PRPSAP2: variants seen among roughly 807,000 people sequenced by gnomAD.
PRPSAP2 encodes the protein phosphoribosyl pyrophosphate synthetase associated protein 2.
Under a neutral mutation model 40.6 loss-of-function variants are expected in PRPSAP2, and 24 were observed. That is an observed-to-expected ratio of 0.59 (90% CI 0.43 to 0.83). The LOEUF (loss-of-function observed/expected upper bound fraction) is 0.83, where lower values mean the gene tolerates loss of function less well. Ranked by LOEUF, PRPSAP2 falls within the 40% of genes least tolerant of loss-of-function variation. The pLI, the probability that PRPSAP2 is intolerant of heterozygous loss-of-function variation, is 0.00. For missense variants in PRPSAP2, 292 were observed against 465.6 expected, an observed-to-expected ratio of 0.63 and a Z score of 3.43; for synonymous variants, 149 against 164.7, an observed-to-expected ratio of 0.90 and a Z score of 0.73.
intron 1 of PRPSAP2, among the ~76,000 whole-genome samples, chr17:18,859,144 T>TA (rs1473495244): frequency 6.6e-6 from 1 of 152,226 alleles, no homozygotes; most frequent in Non-Finnish European, 1.5e-5. Flanking sequence ...TGAAAAGTCT[T>TA]ATGTTGACCA....
chr17:18,919,653 G>C (rs1365240056), intron 9 of PRPSAP2, among the ~76,000 whole-genome samples: 1 of 152,220 alleles, frequency 6.6e-6, no homozygotes, highest in Non-Finnish European at 1.5e-5. Flanking sequence ...GTGACAGAGT[G>C]AGACCCTGTC....
rs554955169 is a variant in PRPSAP2 at position 18,930,783 on chromosome 17, T to C, written c.*85T>C. The C allele has an allele frequency of 1.6e-6, 2 of 1,258,410 alleles. No individual in the cohort carries two copies. The highest frequency in any genetic ancestry group is 2.2e-6 in the Non-Finnish European group (2 of 923,854). 78.0% of individuals were successfully genotyped at this position (1,258,410 alleles called of 1,614,324 possible). On this transcript the variant is annotated 3_prime_UTR_variant, in exon 12 of 12. Transcript: ENST00000268835. ...GGGATGGATTTCACAGGAACCGTCA[T>C]GCTTGTTCCTCCCTCTCCCCTGTAA...
intron 8 of PRPSAP2, among the ~76,000 whole-genome samples, chr17:18,900,048 G>A (rs527838758): frequency 2.0e-5 from 3 of 152,068 alleles, no homozygotes; most frequent in South Asian, 2.1e-4. Context: ...CACCACGCCC[G>A]GCTAATTTTT....
intron 5 of PRPSAP2, 22 bp from the exon 6 acceptor site, chr17:18,877,676 A>T: frequency 6.3e-7 from 1 of 1,591,108 alleles, no homozygotes; most frequent in Admixed American, 1.8e-5. Flanking sequence ...CCTTGATGAG[A>T]TTTGCTGTGT....
rs763116169 is a variant in PRPSAP2, at chr17:18,862,791, T to TTTTATTTATTCA, written c.-128-2668_-128-2667insCATTTATTTATT. On this transcript the variant is annotated intron_variant, in intron 1 of 11. Coordinates refer to ENST00000268835, the MANE Select transcript of PRPSAP2 (RefSeq NM_002767.4). ...TTATTTTCCTGGACCTGTAACACCC[T>TTTTATTTATTCA]TTTATTTATTTATTTATTTATTTAT... Among the ~76,000 whole-genome samples the TTTTATTTATTCA allele has an allele frequency of 2.0e-3, 302 of 149,324 alleles. 2 individuals are homozygous for TTTTATTTATTCA. Among genetic ancestry groups the TTTTATTTATTCA allele is most frequent in the African/African-American group, 6.8e-3 (274 of 40,164 alleles).
In PRPSAP2 at chr17:18,930,945, G is replaced by T. The variant is rs6846; in HGVS notation, c.*247G>T. ...GAAAAGGTAAGACCTCGTTTTAGTT[G>T]TAACTGTTTAAAAAATAACACTTGG... is the stretch of plus-strand genomic sequence containing the variant. On this transcript the variant is annotated 3_prime_UTR_variant, in exon 12 of 12. Coordinates refer to ENST00000268835, the MANE Select transcript of PRPSAP2 (RefSeq NM_002767.4). 50,027 of 288,382 alleles carry T rather than the reference G, an allele frequency of 0.17. 4,639 individuals carry two copies. The highest frequency in any genetic ancestry group is 0.25 in the African/African-American group (11,426 of 46,590). The allele number at this position is 288,382 out of a possible 1,614,324, so 17.9% of individuals were successfully genotyped here.
intron 9 of PRPSAP2, among the ~76,000 whole-genome samples, chr17:18,912,474 T>TA (rs1301286664): frequency 6.6e-6 from 1 of 152,200 alleles, no homozygotes; most frequent in African/African-American, 2.4e-5. Context: ...ATGTTCATCT[T>TA]ACGTGCAAAA....
chr17:18,894,103 T>C (rs1423760047), intron 8 of PRPSAP2, among the ~76,000 whole-genome samples: 1 of 151,916 alleles, frequency 6.6e-6, no homozygotes, highest in African/African-American at 2.4e-5. Flanking sequence ...TCCACCCACC[T>C]CTGACTCCCA....
At chr17:18,879,131 A>C (rs1220875533) in intron 6 of PRPSAP2, among the ~76,000 whole-genome samples, 3 of 152,174 alleles carry the variant, frequency 2.0e-5, no homozygotes, top group African/African-American at 7.2e-5. Flanking sequence ...TGGGCTCCTA[A>C]AATTCTGGGA....
At chr17:18,914,179 C>CA (rs541753300) in intron 9 of PRPSAP2, among the ~76,000 whole-genome samples, 56 of 101,450 alleles carry the variant, frequency 5.5e-4, no homozygotes, top group Admixed American at 6.7e-4. Context: ...GACACCATCT[C>CA]AAAAAAAAAA....
intron 8 of PRPSAP2, 109 bp from the exon 9 acceptor site, chr17:18,910,994 C>T (rs1336351231): frequency 9.3e-6 from 12 of 1,295,804 alleles, no homozygotes; most frequent in African/African-American, 1.5e-5. Context: ...TTCTTTAGTC[C>T]TTTGGGAGAC....
intron 5 of PRPSAP2, among the ~76,000 whole-genome samples, chr17:18,874,606 A>G (rs2038136789): frequency 6.6e-6 from 1 of 152,186 alleles, no homozygotes; most frequent in African/African-American, 2.4e-5. Flanking sequence ...TGAAGGAGGA[A>G]GGGTGTGGAG....
Position 18,879,653 on chromosome 17 carries a change from C to T in PRPSAP2, c.412+1783C>T, listed in dbSNP as rs185071674. ...ATTTTTAGTAGAGACGAGGTTTCACCATGTTGGCCATGCTTGTCTCGAACT... is the reference window on the plus strand; with the variant it reads ...ATTTTTAGTAGAGACGAGGTTTCACTATGTTGGCCATGCTTGTCTCGAACT... On this transcript the variant is annotated intron_variant, in intron 6 of 11. Transcript: ENST00000268835. Among the ~76,000 whole-genome samples, 151 of 152,086 alleles carry T rather than the reference C, an allele frequency of 9.9e-4. 1 individual carries two copies. The highest frequency in any genetic ancestry group is 3.6e-3 in the African/African-American group (148 of 41,544).
intron 8 of PRPSAP2, chr17:18,904,935 A>T (rs547467491): frequency 6.6e-6 from 1 of 152,330 alleles, no homozygotes; most frequent in African/African-American, 2.4e-5. Flanking sequence ...TTGGAATTAG[A>T]TGGGAATGCA....
intron 8 of PRPSAP2, among the ~76,000 whole-genome samples, chr17:18,894,305 A>G (rs1172843833): frequency 6.6e-6 from 1 of 151,668 alleles, no homozygotes; most frequent in Non-Finnish European, 1.5e-5. Context: ...GATTACAGGC[A>G]TGCGCCACCA....
chr17:18,908,998 CA>C (rs1033143102), intron 8 of PRPSAP2: 268 of 210,490 alleles, frequency 1.3e-3, no homozygotes, highest in South Asian at 2.5e-3. Context: ...ATTCAACATT[CA>C]AAAAAAAAGA....
intron 1 of PRPSAP2, among the ~76,000 whole-genome samples, chr17:18,862,445 G>A (rs2037094625): frequency 9.3e-6 from 1 of 107,476 alleles, no homozygotes; most frequent in Admixed American, 9.0e-5. Context: ...TGAAGGTTAG[G>A]GGGTGTAAAA....
At chr17:18,912,515 A>G (rs761362711) in intron 9 of PRPSAP2, among the ~76,000 whole-genome samples, 1 of 152,106 alleles carries the variant, frequency 6.6e-6, no homozygotes, top group Non-Finnish European at 1.5e-5. Flanking sequence ...AGCCCCCAAA[A>G]TGTTAACTCC....
intron 8 of PRPSAP2, among the ~76,000 whole-genome samples, chr17:18,909,321 G>A (rs542294908): frequency 6.8e-6 from 1 of 147,830 alleles, no homozygotes; most frequent in South Asian, 2.2e-4. Flanking sequence ...CACTCACTGC[G>A]AGCTCCGCCT....
Sources: allele counts gnomAD v4.1 joint callset (sites outside exome capture counted in the v4.1 genomes callset), GRCh38; gene constraint gnomAD v4.1.1; transcripts MANE v1.5; gene names NCBI Gene and HGNC (gene_info 2026-07-23, HGNC 2026-07-21).